Variants in MPI observed in about 807,000 individuals in gnomAD.
MPI encodes the protein mannose-6-phosphate isomerase.
MPI carries 33 observed loss-of-function variants against 40.1 expected under a neutral mutation model. That is an observed-to-expected ratio of 0.82 (90% CI 0.62 to 1.10). MPI has a LOEUF of 1.10. Ranked by LOEUF, MPI falls within the 50% of genes least tolerant of loss-of-function variation. The pLI is 0.00. For synonymous variants in MPI, 187 were observed against 207.4 expected, an observed-to-expected ratio of 0.90 and a Z score of 0.85; for missense variants, 514 against 524.1, an observed-to-expected ratio of 0.98 and a Z score of 0.19.
In MPI at chr15:74,890,520, C is replaced by CCCCTAGTATTCCCA; in HGVS notation, c.17-5_25dup. The CCCCTAGTATTCCCA allele has an allele frequency of 1.9e-6, 3 of 1,614,030 alleles. No individual in the cohort carries two copies. The highest frequency in any genetic ancestry group is 2.5e-6 in the Non-Finnish European group (3 of 1,180,022). ...GGAGTGGCAGCTGACCCTGTCTGTG[C>CCCCTAGTATTCCCA]CCCTAGTATTCCCACTTTCCTGTGC... On this transcript the variant is annotated splice_polypyrimidine_tract_variant and splice_region_variant and intron_variant, in intron 1 of 7. Coordinates refer to ENST00000352410, the MANE Select transcript of MPI (RefSeq NM_002435.3).
Position 74,897,177 on chromosome 15 carries a change from CTA to C in MPI, c.1013_1014del (p.Tyr338Ter), listed in dbSNP as rs1179075668. On this transcript the variant is annotated frameshift_variant, in exon 7 of 8. Transcript: ENST00000352410. LOFTEE classifies it high-confidence loss of function. ...RSQEDPYLSI[Y>X]DPPVPDFTIM... ...GTCAGGAAGACCCCTACCTCTCAATCTATGACCCCCCTGTACCAGACTTCACC... is the reference window on the plus strand; with the variant it reads ...GTCAGGAAGACCCCTACCTCTCAATCTGACCCCCCTGTACCAGACTTCACC... 6.2e-7 allele frequency: 1 copy of C among 1,614,202 alleles called. No individual in the cohort carries two copies. Among genetic ancestry groups the C allele is most frequent in the East Asian group, 2.2e-5 (1 of 44,888 alleles).
intron 5 of MPI, chr15:74,893,773 G>A (rs1411123511): frequency 1.8e-5 from 6 of 330,116 alleles, no homozygotes; most frequent in Non-Finnish European, 2.9e-5. Context: ...GCTAAGAAGA[G>A]TTCAGGAAAT....
intron 5 of MPI, among the ~76,000 whole-genome samples, chr15:74,894,039 AGT>A (rs1163375284): frequency 4.1e-3 from 236 of 57,018 alleles, no homozygotes; most frequent in Admixed American, 6.8e-3. Context: ...TTTTCTGTTC[AGT>A]GTGTGTGTGT....
intron 7 of MPI, 108 bp from the exon 8 acceptor site, chr15:74,897,404 G>T: frequency 7.5e-7 from 1 of 1,328,566 alleles, no homozygotes. Flanking sequence ...CCTGGGTTGT[G>T]CGAGAAGGTG....
chr15:74,893,736 C>T (rs537585294), intron 5 of MPI: 2 of 449,292 alleles, frequency 4.5e-6, no homozygotes, highest in African/African-American at 3.9e-5. Flanking sequence ...TTGATCTTTC[C>T]TTTACCTTCT....
chr15:74,890,602 T>A lies in MPI; in HGVS notation c.92T>A (p.Leu31Ter), dbSNP rs753043673. ...TCCAACAGCGAAGTGGCGCGGCTGT[T>A]GGCCAGCAGTGATCCACTGGCCCAG... ...MGSNSEVARL[L>*]ASSDPLAQIA... The change falls in exon 2 of 8, where the codon TTG becomes TAG. Residue 31 changes from leucine (L) to a stop codon, truncating the protein, a stop_gained. Coordinates refer to ENST00000352410, the MANE Select transcript of MPI (RefSeq NM_002435.3). LOFTEE classifies it high-confidence loss of function. 4 of 1,614,160 alleles carry A rather than the reference T, an allele frequency of 2.5e-6. No individual in the cohort carries two copies. The highest frequency in any genetic ancestry group is 3.4e-6 in the Non-Finnish European group (4 of 1,180,028).
At chr15:74,892,281 C>A (rs2064738794) in intron 3 of MPI, among the ~76,000 whole-genome samples, 1 of 152,190 alleles carries the variant, frequency 6.6e-6, no homozygotes, top group Admixed American at 6.5e-5. Flanking sequence ...CGTGAGCCAC[C>A]ATGCCCAGCC....
Position 74,901,651 on chromosome 15 carries a change from A to C in MPI, c.*3921A>C, listed in dbSNP as rs993232881. ...CTTACCCTTCCTGTCTGTAAGCCTC[A>C]GTCTAGGACAAAGCCCACACAGCTG... On this transcript the variant is annotated 3_prime_UTR_variant, in exon 8 of 8. Transcript: ENST00000352410. 1 of 153,076 alleles carries C rather than the reference A, an allele frequency of 6.5e-6. No individual in the cohort carries two copies. Among genetic ancestry groups the C allele is most frequent in the East Asian group, 1.9e-4 (1 of 5,232 alleles). The allele number at this position is 153,076 out of a possible 1,614,324, so 9.5% of individuals were successfully genotyped here.
At chr15:74,894,087 T>TTTTCTGAGCCA (rs2064773597) in intron 5 of MPI, among the ~76,000 whole-genome samples, 1 of 60,828 alleles carries the variant, frequency 1.6e-5, no homozygotes, top group Non-Finnish European at 3.3e-5. Flanking sequence ...TGTGTGTGTG[T>TTTTCTGAGCCA]GTGTGTGTGT....
At chr15:74,897,273 A>G in intron 7 of MPI, 54 bp downstream of exon 7, 1 of 1,593,486 alleles carries the variant, frequency 6.3e-7, no homozygotes, top group South Asian at 1.1e-5. Flanking sequence ...ATCTCTGGCA[A>G]GGGTCACGAT....
At position 74,898,150 on chromosome 15, in the gene MPI, A is replaced by G. The variant is rs1386574199; in HGVS notation, c.*420A>G. 6 of 349,426 alleles carry G rather than the reference A, an allele frequency of 1.7e-5. No individual in the cohort carries two copies. 21.6% of individuals were successfully genotyped at this position (349,426 alleles called of 1,614,324 possible). Reference sequence around the variant, plus strand: ...CCATTTCCTCAGCTGCAGAGGAGGAAAGGGAAAGGGTAGGCCTGTAGACTA... The same window carrying G: ...CCATTTCCTCAGCTGCAGAGGAGGAGAGGGAAAGGGTAGGCCTGTAGACTA... On this transcript the variant is annotated 3_prime_UTR_variant, in exon 8 of 8. Coordinates refer to ENST00000352410, the MANE Select transcript of MPI (RefSeq NM_002435.3).
chr15:74,895,991 C>G (rs187818510), intron 5 of MPI, 161 bp from the exon 6 acceptor site: 2 of 713,378 alleles, frequency 2.8e-6, no homozygotes, highest in African/African-American at 1.8e-5. Context: ...AAGCAAGGCT[C>G]GACCCCCAAA....
rs1317937771 is a variant in MPI, at chr15:74,898,612, A to G, written c.*882A>G. ...GAGTGCAGTGGCACGATCTCGGCTC[A>G]TTGCAAGCTCCGCCTCCCGGGTTCA... On this transcript the variant is annotated 3_prime_UTR_variant, in exon 8 of 8. Coordinates refer to ENST00000352410, the MANE Select transcript of MPI (RefSeq NM_002435.3). 1 of 150,272 alleles carries G rather than the reference A, an allele frequency of 6.7e-6. No homozygotes were observed. The highest frequency in any genetic ancestry group is 2.5e-5 in the African/African-American group (1 of 40,654). 9.3% of individuals were successfully genotyped at this position (150,272 alleles called of 1,614,324 possible).
Position 74,897,143 on chromosome 15 carries a change from C to G in MPI, c.977C>G (p.Pro326Arg), listed in dbSNP as rs199956743. Residue 326 changes from proline (P) to arginine (R), a missense_variant, in exon 7 of 8, where the codon CCA becomes CGA. Coordinates refer to ENST00000352410, the MANE Select transcript of MPI (RefSeq NM_002435.3). ...TCCAGCAAGGACAGGCTCTTTCTCC[C>G]AACACGGAGTCAGGAAGACCCCTAC... ...PSSSKDRLFL[P>R]TRSQEDPYLS... is the part of the protein sequence containing the mutation. 39 of 1,614,108 alleles carry G rather than the reference C, an allele frequency of 2.4e-5. No homozygotes were observed. The African/African-American group carries it at 5.1e-4, about 21-fold the overall frequency.
At position 74,896,272 on chromosome 15, in the gene MPI, C is replaced by CT. The variant is rs1313637977; in HGVS notation, c.792dup (p.Gly265TrpfsTer40). Reference sequence around the variant, plus strand: ...TTCCTGAACCTGCTTACCCTGAAGCCTGGGGAGGCCATGTTTCTGGAGGCC... The same window carrying CT: ...TTCCTGAACCTGCTTACCCTGAAGCCTTGGGGAGGCCATGTTTCTGGAGGCC... On this transcript the variant is annotated frameshift_variant, in exon 6 of 8. Coordinates refer to ENST00000352410, the MANE Select transcript of MPI (RefSeq NM_002435.3). LOFTEE classifies it high-confidence loss of function. 4 of 1,614,174 alleles carry CT rather than the reference C, an allele frequency of 2.5e-6. No homozygotes were observed. The South Asian group carries it at 3.3e-5, about 13-fold the overall frequency.
In MPI at chr15:74,891,311, T is replaced by A. The variant is rs950929716; in HGVS notation, c.145-68T>A. 2.1e-5 allele frequency: 31 copies of A among 1,468,890 alleles called. No individual in the cohort carries two copies. The East Asian group carries it at 6.8e-4, about 32-fold the overall frequency. 91.0% of individuals were successfully genotyped at this position (1,468,890 alleles called of 1,614,324 possible). On this transcript the variant is annotated intron_variant, in intron 2 of 7. Transcript: ENST00000352410. ...CCTGTGGGGAGCACAGCATAACGGA[T>A]TGGGACAGGCCAACTCAGGGTGGCA...
At chr15:74,897,380 C>G in intron 7 of MPI, 132 bp from the exon 8 acceptor site, 1 of 1,283,550 alleles carries the variant, frequency 7.8e-7, no homozygotes, top group Non-Finnish European at 1.1e-6. Context: ...GACCAGGCCT[C>G]TATGCTGACT....
At chr15:74,890,381 A>G in intron 1 of MPI, 146 bp from the exon 2 acceptor site, 1 of 1,063,692 alleles carries the variant, frequency 9.4e-7, no homozygotes. Context: ...CGAGGCCTGC[A>G]GCGGAGGGGG....
chr15:74,896,112 TA>T (rs2064813506), intron 5 of MPI, 39 bp from the exon 6 acceptor site: 1 of 1,610,586 alleles, frequency 6.2e-7, no homozygotes, highest in East Asian at 2.2e-5. Context: ...CAGCACTGAG[TA>T]TCCCCCTAAG....
Sources: allele counts gnomAD v4.1 joint callset (sites outside exome capture counted in the v4.1 genomes callset), GRCh38; gene constraint gnomAD v4.1.1; transcripts MANE v1.5; gene names NCBI Gene and HGNC (gene_info 2026-07-23, HGNC 2026-07-21).